The following CHSY3 variants were observed in gnomAD, a reference collection of about 807,000 sequenced individuals.
The protein encoded by CHSY3 is N-acetylgalactosaminyl-proteoglycan 3-beta-glucuronosyltransferase 3.
In CHSY3, 35 loss-of-function variants were observed where a neutral mutation model predicts 67.2. The observed-to-expected ratio is 0.52, with a 90% CI of 0.40 to 0.69. CHSY3 has a LOEUF of 0.69. CHSY3 is among the 30% of genes least tolerant of loss of function. The pLI, the probability that CHSY3 is intolerant of heterozygous loss-of-function variation, is 0.00. For missense variants in CHSY3, 1,069 were observed against 1,138.5 expected (o/e 0.94, Z 0.88); for synonymous variants, 474 against 434.7 (o/e 1.09, Z -1.12).
At chr5:130,108,336 A>T (rs1320909340) in intron 2 of CHSY3, among the ~76,000 whole-genome samples, 3 of 151,604 alleles carry the variant, frequency 2.0e-5, no homozygotes, top group Non-Finnish European at 4.4e-5. Flanking sequence ...CTCCTGCGTT[A>T]GTGTTTTATA....
rs971707458 is a variant in CHSY3 at position 129,943,635 on chromosome 5, T to G, written c.1086+35275T>G. Among the ~76,000 whole-genome samples the G allele has an allele frequency of 3.3e-5, 5 of 152,188 alleles. No individual in the cohort carries two copies. The East Asian group carries it at 9.6e-4, about 29-fold the overall frequency. ...ATTTTTTCCCTTTAAACGTATTTCG[T>G]ACATAAAATTTCATGAAGGGTAGAT... On this transcript the variant is annotated intron_variant, in intron 2 of 2. Transcript: ENST00000305031.
intron 2 of CHSY3, among the ~76,000 whole-genome samples, chr5:130,173,929 T>C (rs186774568): frequency 2.0e-5 from 3 of 152,130 alleles, no homozygotes; most frequent in Non-Finnish European, 2.9e-5. Flanking sequence ...GGGCAAACAA[T>C]TGTGTTAATT....
chr5:130,051,778 G>A (rs1437045379), intron 2 of CHSY3, among the ~76,000 whole-genome samples: 2 of 152,068 alleles, frequency 1.3e-5, no homozygotes, highest in Non-Finnish European at 2.9e-5. Context: ...GATAAGGGGA[G>A]AAAAGCAAAT....
chr5:129,950,361 A>G (rs1397037869), intron 2 of CHSY3, among the ~76,000 whole-genome samples: 1 of 152,136 alleles, frequency 6.6e-6, no homozygotes, highest in Non-Finnish European at 1.5e-5. Context: ...AAAACCAGGA[A>G]CAAAGAAACG....
At chr5:130,039,627 G>T (rs528411397) in intron 2 of CHSY3, among the ~76,000 whole-genome samples, 1 of 152,230 alleles carries the variant, frequency 6.6e-6, no homozygotes, top group African/African-American at 2.4e-5. Context: ...TTCTCCTCAG[G>T]TAGCTGGCAC....
intron 2 of CHSY3, among the ~76,000 whole-genome samples, chr5:129,987,704 C>A (rs555487428): frequency 6.6e-6 from 1 of 152,238 alleles, no homozygotes; most frequent in Non-Finnish European, 1.5e-5. Flanking sequence ...ATATGTGTAA[C>A]ATGGCATATT....
intron 2 of CHSY3, among the ~76,000 whole-genome samples, chr5:130,027,234 A>G (rs1451916106): frequency 6.6e-6 from 1 of 152,108 alleles, no homozygotes; most frequent in Non-Finnish European, 1.5e-5. Context: ...ACAGCATATA[A>G]AGGATTTACT....
intron 2 of CHSY3, among the ~76,000 whole-genome samples, chr5:129,930,853 C>A (rs1761285242): frequency 6.6e-6 from 1 of 152,150 alleles, no homozygotes; most frequent in African/African-American, 2.4e-5. Context: ...TTCTACCCTA[C>A]CAATTAAAGT....
intron 2 of CHSY3, among the ~76,000 whole-genome samples, chr5:130,005,753 T>C (rs1763857554): frequency 2.6e-5 from 4 of 152,220 alleles, no homozygotes; most frequent in Admixed American, 2.6e-4. Context: ...CTAAGCACAC[T>C]GATACTCTAA....
chr5:129,994,314 C>G (rs1284306309), intron 2 of CHSY3, among the ~76,000 whole-genome samples: 3 of 152,148 alleles, frequency 2.0e-5, no homozygotes. Context: ...TGTTTTCCAA[C>G]TTGGTTCCAT....
chr5:130,155,361 T>C (rs1769349809), intron 2 of CHSY3, among the ~76,000 whole-genome samples: 1 of 152,226 alleles, frequency 6.6e-6, no homozygotes, highest in South Asian at 2.1e-4. Context: ...ATCAGGCTAA[T>C]AGTGCTAGTG....
rs910961449 is a variant in CHSY3 at position 130,162,577 on chromosome 5, C to G, written c.1087-21652C>G. On this transcript the variant is annotated intron_variant, in intron 2 of 2. Transcript: ENST00000305031. ...AGAAACGGGGTCTTGTTCTGTCACC[C>G]AGGATGGAGTACAGTGGGATGATCA... 2.0e-5 allele frequency among the ~76,000 whole-genome samples: 3 copies of G among 152,112 alleles called. No homozygotes were observed. The East Asian group carries it at 5.8e-4, about 29-fold the overall frequency.
chr5:130,123,381 G>A (rs1252294557), intron 2 of CHSY3, among the ~76,000 whole-genome samples: 2 of 152,176 alleles, frequency 1.3e-5, no homozygotes, highest in East Asian at 3.9e-4. Context: ...TGGACCAGTA[G>A]GGGAGATGGT....
chr5:130,146,154 G>A (rs116615260), intron 2 of CHSY3, among the ~76,000 whole-genome samples: 198 of 152,214 alleles, frequency 1.3e-3, no homozygotes, highest in Non-Finnish European at 2.0e-3. Flanking sequence ...ACACTCCCAT[G>A]TTTATTGTAG....
At chr5:129,929,431 T>C (rs1761226186) in intron 2 of CHSY3, among the ~76,000 whole-genome samples, 1 of 152,232 alleles carries the variant, frequency 6.6e-6, no homozygotes, top group South Asian at 2.1e-4. Context: ...ATTGTTTTTC[T>C]TTCAGCTATA....
rs1205782386 is a variant in CHSY3 at position 130,178,253 on chromosome 5, A to ATATATATAT, written c.1087-5975_1087-5974insATATATATT. Among the ~76,000 whole-genome samples the ATATATATAT allele has an allele frequency of 1.1e-3, 50 of 45,916 alleles. 1 individual carries two copies. Among genetic ancestry groups the ATATATATAT allele is most frequent in the Non-Finnish European group, 1.3e-3 (36 of 28,190 alleles). The allele number at this position is 45,916 out of a possible 152,430, so 30.1% of individuals were successfully genotyped here. On this transcript the variant is annotated intron_variant, in intron 2 of 2. Transcript: ENST00000305031. ...TATATATATATATATATATATATATATTTTTTTTTTTTTTTTTCCTGAGAC... is the reference window on the plus strand; with the variant it reads ...TATATATATATATATATATATATATATATATATATTTTTTTTTTTTTTTTTTCCTGAGAC...
intron 2 of CHSY3, among the ~76,000 whole-genome samples, chr5:129,952,045 T>A (rs1425197659): frequency 3.9e-5 from 6 of 152,134 alleles, no homozygotes; most frequent in Non-Finnish European, 5.9e-5. Context: ...TACTACCACA[T>A]TGGTATAGGC....
chr5:130,029,380 T>G (rs1764644754), intron 2 of CHSY3, among the ~76,000 whole-genome samples: 1 of 152,086 alleles, frequency 6.6e-6, no homozygotes, highest in Non-Finnish European at 1.5e-5. Flanking sequence ...AAATTGAGGT[T>G]TAGAAAATTA....
chr5:129,904,891 C>T lies in CHSY3; in HGVS notation c.62C>T (p.Thr21Ile). 6.6e-7 allele frequency: 1 copy of T among 1,524,052 alleles called. No homozygotes were observed. Among genetic ancestry groups the T allele is most frequent in the Non-Finnish European group, 8.8e-7 (1 of 1,136,546 alleles). 94.4% of individuals were successfully genotyped at this position (1,524,052 alleles called of 1,614,324 possible). Residue 21 changes from threonine (T) to isoleucine (I), a missense_variant, in exon 1 of 3, where the codon ACC becomes ATC. By Grantham distance (89) the Thr-to-Ile change is moderately conservative (BLOSUM62 -1). Coordinates refer to ENST00000305031, the MANE Select transcript of CHSY3 (RefSeq NM_175856.5). The part of the protein sequence containing the change: ...SVALGLVLGF[T>I]AASWLIAPRV... ...GCATTAGGGCTGGTGCTGGGCTTCA[C>T]CGCCGCGTCCTGGCTCATCGCCCCC...
Sources: gnomAD v4.1 joint callset for allele counts (sites outside exome capture counted in the v4.1 genomes callset) on GRCh38, gnomAD v4.1.1 for gene constraint, MANE v1.5 for transcripts, NCBI Gene and HGNC (gene_info 2026-07-23, HGNC 2026-07-21) for gene names.